ZNF451: variants seen among roughly 807,000 people sequenced by gnomAD.
The protein encoded by ZNF451 is zinc finger protein 451.
ZNF451 carries 80 observed loss-of-function variants against 107.1 expected under a neutral mutation model. The observed-to-expected ratio is 0.75, with a 90% CI of 0.62 to 0.90. ZNF451 has a LOEUF of 0.90. ZNF451 is among the 40% of genes least tolerant of loss of function. ZNF451 has a pLI of 0.00. For missense variants in ZNF451, 1,107 were observed against 1,236.2 expected (o/e 0.90, Z 1.57); for synonymous variants, 362 against 406.5 (o/e 0.89, Z 1.32).
chr6:57,099,020 A>G, intron 2 of ZNF451, 41 bp from the exon 3 acceptor site: 1 of 1,541,572 alleles, frequency 6.5e-7, no homozygotes, highest in South Asian at 1.1e-5. Context: ...TTTGGTTTGA[A>G]TAACTGTTAA....
chr6:57,133,285 T>C (rs1035470615), intron 6 of ZNF451, 93 bp downstream of exon 6: 3 of 1,266,450 alleles, frequency 2.4e-6, no homozygotes, highest in Non-Finnish European at 3.3e-6. Flanking sequence ...TTTGCCATTA[T>C]GATTATATAG....
Position 57,147,858 on chromosome 6 carries a change from T to G in ZNF451, c.1773T>G (p.Thr591=). 1 of 1,614,146 alleles carries G rather than the reference T, an allele frequency of 6.2e-7. No homozygotes were observed. The highest frequency in any genetic ancestry group is 2.2e-5 in the East Asian group (1 of 44,876). ...CTAACAAGCCTTCATCAGCTATTAC[T>G]GTTATTGATCATTCCCCGGCAAATA... ...LTANKPSSAI[T]VIDHSPANSS... is the part of the protein sequence containing the mutation. The change falls in exon 10 of 15, where the codon ACT becomes ACG. Residue 591 remains threonine, a synonymous_variant. Transcript: ENST00000370706.
intron 3 of ZNF451, chr6:57,107,291 A>G (rs752820985): frequency 2.0e-6 from 2 of 985,078 alleles, no homozygotes; most frequent in African/African-American, 3.5e-5. Flanking sequence ...TTTTTATTCT[A>G]TCAGTGTATA....
intron 3 of ZNF451, chr6:57,103,098 G>T: frequency 1.0e-6 from 1 of 985,386 alleles, no homozygotes; most frequent in Non-Finnish European, 1.2e-6. Context: ...CAGTGCCCTG[G>T]AAATAAAGGA....
intron 9 of ZNF451, among the ~76,000 whole-genome samples, chr6:57,143,363 C>G (rs992444511): frequency 6.6e-6 from 1 of 151,940 alleles, no homozygotes; most frequent in Non-Finnish European, 1.5e-5. Context: ...TAATCTATTT[C>G]AAATTTTTGT....
At chr6:57,138,735 A>ATGTGTGTG (rs1831580311) in intron 7 of ZNF451, among the ~76,000 whole-genome samples, 4 of 104,980 alleles carry the variant, frequency 3.8e-5, no homozygotes, top group Admixed American at 1.0e-4. Flanking sequence ...ATATATATAT[A>ATGTGTGTG]TATATATGTG....
In ZNF451 at chr6:57,148,051, C is replaced by T; in HGVS notation, c.1966C>T (p.Gln656Ter). ...HKIETLYRHC[Q>*]DEHDNEIKIK... ...GATAGAAACATTGTACCGACATTGC[C>T]AAGATGAGCATGACAATGAGATAAA... is the stretch of plus-strand genomic sequence containing the variant. Residue 656 changes from glutamine (Q) to a stop codon, truncating the protein, a stop_gained, in exon 10 of 15, where the codon CAA becomes TAA. Coordinates refer to ENST00000370706, the MANE Select transcript of ZNF451 (RefSeq NM_001031623.3). LOFTEE classifies it high-confidence loss of function. The T allele has an allele frequency of 6.2e-7, 1 of 1,613,978 alleles. No homozygotes were observed. Among genetic ancestry groups the T allele is most frequent in the Non-Finnish European group, 8.5e-7 (1 of 1,179,966 alleles).
At chr6:57,152,086 TG>T in intron 11 of ZNF451, 134 bp from the exon 12 acceptor site, 1 of 663,038 alleles carries the variant, frequency 1.5e-6, no homozygotes, top group Non-Finnish European at 2.4e-6. Flanking sequence ...TATGCTAGGA[TG>T]GAGTTCTTCC....
At chr6:57,120,695 G>A (rs185456330) in intron 3 of ZNF451, among the ~76,000 whole-genome samples, 71 of 152,242 alleles carry the variant, frequency 4.7e-4, no homozygotes, top group Non-Finnish European at 9.0e-4. Flanking sequence ...ATCTTCTTTG[G>A]TGAGGTGTCT....
chr6:57,109,938 G>A (rs549031551), intron 3 of ZNF451, among the ~76,000 whole-genome samples: 1 of 152,264 alleles, frequency 6.6e-6, no homozygotes, highest in African/African-American at 2.4e-5. Flanking sequence ...GAATACTGAG[G>A]GTTAATAAGA....
intron 5 of ZNF451, 81 bp downstream of exon 5, chr6:57,128,921 C>A: frequency 1.0e-6 from 1 of 957,566 alleles, no homozygotes; most frequent in Non-Finnish European, 1.6e-6. Context: ...TATGCTATTG[C>A]TAATAAGCAT....
chr6:57,101,370 C>T, intron 3 of ZNF451: 2 of 1,550,694 alleles, frequency 1.3e-6, no homozygotes, highest in Non-Finnish European at 1.7e-6. Flanking sequence ...CTGCTGATTG[C>T]CATCCTTCTT....
Position 57,095,785 on chromosome 6 carries a change from C to T in ZNF451, c.106-3276C>T, listed in dbSNP as rs191095416. 4.3e-3 allele frequency among the ~76,000 whole-genome samples: 647 copies of T among 151,910 alleles called. 8 individuals are homozygous for T. The highest frequency in any genetic ancestry group is 0.015 in the African/African-American group (609 of 41,382). On this transcript the variant is annotated intron_variant, in intron 2 of 14. Transcript: ENST00000370706. ...ATAACCTTATTTGTCCTTACTCCTTCCCTTTAAATATTACTGCAGCTTTTT... is the reference window on the plus strand; with the variant it reads ...ATAACCTTATTTGTCCTTACTCCTTTCCTTTAAATATTACTGCAGCTTTTT...
intron 14 of ZNF451, chr6:57,165,499 TTTAAA>T (rs1185977186): frequency 6.6e-6 from 1 of 152,254 alleles, no homozygotes; most frequent in Non-Finnish European, 1.5e-5. Flanking sequence ...CACTGGATAA[TTTAAA>T]TTATACTATC....
At chr6:57,110,225 T>C (rs1830048079) in intron 3 of ZNF451, among the ~76,000 whole-genome samples, 2 of 152,146 alleles carry the variant, frequency 1.3e-5, no homozygotes, top group African/African-American at 2.4e-5. Flanking sequence ...TTATAAGAAA[T>C]AGTCTTTAGG....
chr6:57,138,741 A>ATATATGTG (rs1365084616), intron 7 of ZNF451, among the ~76,000 whole-genome samples: 15 of 46,592 alleles, frequency 3.2e-4, no homozygotes, highest in Non-Finnish European at 3.9e-4. Flanking sequence ...ATATATATAT[A>ATATATGTG]TGTGTGTGTG....
At chr6:57,152,974 G>A (rs1832419674) in intron 12 of ZNF451, among the ~76,000 whole-genome samples, 1 of 152,134 alleles carries the variant, frequency 6.6e-6, no homozygotes, top group Non-Finnish European at 1.5e-5. Context: ...AACAATCACT[G>A]TTGGCCTAGA....
At chr6:57,100,511 T>C in intron 3 of ZNF451, 2 of 1,349,336 alleles carry the variant, frequency 1.5e-6, no homozygotes. Flanking sequence ...TGAGTTCTAC[T>C]TACTGGACAT....
intron 7 of ZNF451, among the ~76,000 whole-genome samples, chr6:57,140,904 G>C (rs1166387778): frequency 1.3e-5 from 2 of 152,100 alleles, no homozygotes; most frequent in Non-Finnish European, 2.9e-5. Context: ...GAGTAAGCAT[G>C]GATAAATTTG....
Sources: gnomAD v4.1 joint callset for allele counts (sites outside exome capture counted in the v4.1 genomes callset) on GRCh38, gnomAD v4.1.1 for gene constraint, MANE v1.5 for transcripts, NCBI Gene and HGNC (gene_info 2026-07-23, HGNC 2026-07-21) for gene names.